Variants in PTPRT observed in about 807,000 individuals in gnomAD.
PTPRT encodes receptor-type tyrosine-protein phosphatase T.
Under a neutral mutation model 176.8 loss-of-function variants are expected in PTPRT, and 56 were observed. That is an observed-to-expected ratio of 0.32 (90% CI 0.26 to 0.40). The LOEUF (loss-of-function observed/expected upper bound fraction) is 0.40, where lower values mean the gene tolerates loss of function less well. Among genes scored for constraint, PTPRT ranks in the 10% least tolerant of loss-of-function variants. PTPRT has a pLI of 1.00. For missense variants in PTPRT, 1,540 were observed against 1,908.2 expected, an observed-to-expected ratio of 0.81 and a Z score of 3.60; for synonymous variants, 783 against 739.0, an observed-to-expected ratio of 1.06 and a Z score of -0.96.
At chr20:43,105,582 G>C (rs184393311) in intron 1 of PTPRT, among the ~76,000 whole-genome samples, 1 of 152,196 alleles carries the variant, frequency 6.6e-6, no homozygotes, top group African/African-American at 2.4e-5. Flanking sequence ...TGTATTTTTA[G>C]TAGAGACAAA....
At chr20:43,011,686 A>T (rs1399775427) in intron 1 of PTPRT, among the ~76,000 whole-genome samples, 2 of 152,218 alleles carry the variant, frequency 1.3e-5, no homozygotes, top group East Asian at 3.9e-4. Flanking sequence ...GGATGAACAG[A>T]TAAACAAAAA....
chr20:43,188,882 CG>C (rs2015467062), intron 1 of PTPRT, among the ~76,000 whole-genome samples: 1 of 152,024 alleles, frequency 6.6e-6, no homozygotes, highest in African/African-American at 2.4e-5. Flanking sequence ...CCCCCGCCCC[CG>C]CTCCCCCTAC....
the PTPRT span, among the ~76,000 whole-genome samples, chr20:42,054,376 A>G: frequency 2.0e-5 from 3 of 152,200 alleles, no homozygotes; most frequent in African/African-American, 4.8e-5. Context: ...TTCTAAGTAG[A>G]TATTTTGCAC....
intron 5 of PTPRT, among the ~76,000 whole-genome samples, chr20:42,769,756 A>G (rs1324277815): frequency 6.6e-6 from 1 of 152,234 alleles, no homozygotes; most frequent in African/African-American, 2.4e-5. Flanking sequence ...ATGGATAAAC[A>G]AATAGTAGTA....
rs1440341888 is a variant in PTPRT, at chr20:42,208,020, G to T, written c.2343-8632C>A. Among the ~76,000 whole-genome samples, 359 of 110,306 alleles carry T rather than the reference G, an allele frequency of 3.3e-3. 3 individuals carry two copies. The highest frequency in any genetic ancestry group is 0.013 in the African/African-American group (340 of 26,238). The allele number at this position is 110,306 out of a possible 152,430, so 72.4% of individuals were successfully genotyped here. A position where few individuals can be genotyped will look rare whatever the true frequency, so the allele number is the denominator to read the frequency against. On this transcript the variant is annotated intron_variant, in intron 15 of 30. Transcript: ENST00000373187. ...CTTAAAGAAAAGAATTTTCAACCCAGAATTTCATATCCAGCCAAACTCAGC... is the reference window on the plus strand; with the variant it reads ...CTTAAAGAAAAGAATTTTCAACCCATAATTTCATATCCAGCCAAACTCAGC...
chr20:42,057,684 G>A, the PTPRT span, among the ~76,000 whole-genome samples: 1 of 152,028 alleles, frequency 6.6e-6, no homozygotes, highest in Admixed American at 6.6e-5. Context: ...GAACTCCTGG[G>A]TTCAAGGGAT....
intron 2 of PTPRT, among the ~76,000 whole-genome samples, chr20:42,853,806 C>T (rs967822736): frequency 6.6e-6 from 1 of 152,198 alleles, no homozygotes; most frequent in African/African-American, 2.4e-5. Flanking sequence ...ACGTTTTCCT[C>T]AGAATGACTG....
At chr20:43,008,762 G>T (rs570338917) in intron 1 of PTPRT, among the ~76,000 whole-genome samples, 11 of 152,230 alleles carry the variant, frequency 7.2e-5, no homozygotes, top group Middle Eastern at 3.4e-3. Context: ...TGGTATTTTT[G>T]TTACAGCAAC....
At chr20:42,813,243 C>T (rs1600775976) in intron 2 of PTPRT, among the ~76,000 whole-genome samples, 1 of 152,096 alleles carries the variant, frequency 6.6e-6, no homozygotes, top group East Asian at 1.9e-4. Context: ...GCTTTATTGA[C>T]CTGGTGTTCA....
At chr20:42,139,643 C>T (rs969928706) in intron 18 of PTPRT, among the ~76,000 whole-genome samples, 2 of 152,226 alleles carry the variant, frequency 1.3e-5, no homozygotes, top group Non-Finnish European at 2.9e-5. Flanking sequence ...GGATCCTTTC[C>T]CAGCTTTGGA....
chr20:42,236,035 A>G lies in PTPRT; in HGVS notation c.2342+194T>C, dbSNP rs542724896. Reference sequence around the variant, plus strand: ...AGGAAAAAAATCCAAGATGGTGGAAACATAACGAACTTGAACAATGACAGT... The same window carrying G: ...AGGAAAAAAATCCAAGATGGTGGAAGCATAACGAACTTGAACAATGACAGT... On this transcript the variant is annotated intron_variant, in intron 15 of 30. Coordinates refer to ENST00000373187, the MANE Select transcript of PTPRT (RefSeq NM_007050.6). 3.3e-5 allele frequency among the ~76,000 whole-genome samples: 5 copies of G among 152,354 alleles called. No individual in the cohort carries two copies. In the East Asian group the frequency reaches 9.6e-4, roughly 29 times the overall value.
intron 1 of PTPRT, among the ~76,000 whole-genome samples, chr20:43,014,228 G>A (rs1348093235): frequency 2.0e-5 from 3 of 152,112 alleles, no homozygotes; most frequent in Non-Finnish European, 4.4e-5. Context: ...TCACTCTGAT[G>A]GCTGGAACCC....
the PTPRT span, among the ~76,000 whole-genome samples, chr20:42,050,207 G>A: frequency 2.0e-5 from 3 of 152,116 alleles, no homozygotes; most frequent in African/African-American, 4.8e-5. Flanking sequence ...CGTGGTCTCC[G>A]TAGGATGCAG....
intron 7 of PTPRT, among the ~76,000 whole-genome samples, chr20:42,605,322 G>A (rs2073857071): frequency 7.1e-6 from 1 of 139,892 alleles, no homozygotes; most frequent in African/African-American, 3.2e-5. Flanking sequence ...GGCAGGCAAA[G>A]AGATTCAAAA....
At chr20:42,503,433 T>C (rs1355373292) in intron 7 of PTPRT, among the ~76,000 whole-genome samples, 1 of 152,074 alleles carries the variant, frequency 6.6e-6, no homozygotes, top group African/African-American at 2.4e-5. Flanking sequence ...TTTCATGACA[T>C]AACTATTTTG....
chr20:42,601,622 TGGTTTACTCTACAAGAAAA>T (rs2073782634), intron 7 of PTPRT, among the ~76,000 whole-genome samples: 1 of 152,194 alleles, frequency 6.6e-6, no homozygotes, highest in African/African-American at 2.4e-5. Context: ...TCGTTAGGGA[TGGTTTACTCTACAAGAAAA>T]GGATCCTTTT....
At chr20:42,422,095 A>AC (rs2059123850) in intron 9 of PTPRT, among the ~76,000 whole-genome samples, 1 of 152,254 alleles carries the variant, frequency 6.6e-6, no homozygotes, top group Admixed American at 6.5e-5. Context: ...CAAAACTATA[A>AC]AAAATCTGGA....
chr20:42,587,001 G>A (rs1469299819), intron 7 of PTPRT, among the ~76,000 whole-genome samples: 1 of 152,124 alleles, frequency 6.6e-6, no homozygotes, highest in African/African-American at 2.4e-5. Flanking sequence ...CACACTGGCT[G>A]GGTCCCTGTA....
At chr20:42,577,914 T>G (rs988009449) in intron 7 of PTPRT, among the ~76,000 whole-genome samples, 1 of 140,682 alleles carries the variant, frequency 7.1e-6, no homozygotes, top group Non-Finnish European at 1.5e-5. Flanking sequence ...CCTTCAGACC[T>G]GAGCGAGGCT....
Sources: gnomAD v4.1 joint callset for allele counts (sites outside exome capture counted in the v4.1 genomes callset) on GRCh38, gnomAD v4.1.1 for gene constraint, MANE v1.5 for transcripts, NCBI Gene and HGNC (gene_info 2026-07-23, HGNC 2026-07-21) for gene names.